PTPRD: variants seen among roughly 807,000 people sequenced by gnomAD.
PTPRD encodes the protein receptor-type tyrosine-protein phosphatase delta.
In PTPRD, 34 loss-of-function variants were observed where a neutral mutation model predicts 214.5. The ratio of observed to expected loss-of-function variants is 0.16; its 90% CI spans 0.12 to 0.21. The LOEUF (loss-of-function observed/expected upper bound fraction) is 0.21. Ranked by LOEUF, PTPRD falls within the 10% of genes least tolerant of loss-of-function variation. PTPRD has a pLI of 1.00. For synonymous variants in PTPRD, 1,128 were observed against 845.7 expected, an observed-to-expected ratio of 1.33 and a Z score of -5.79; for missense variants, 2,545 against 2,398.7, an observed-to-expected ratio of 1.06 and a Z score of -1.27.
chr9:8,989,892 T>C (rs2099359686), intron 11 of PTPRD, among the ~76,000 whole-genome samples: 1 of 152,074 alleles, frequency 6.6e-6, no homozygotes. Flanking sequence ...TAAAATGAAA[T>C]AAAATTGCCC....
chr9:9,404,604 C>T (rs2072486482), intron 8 of PTPRD, among the ~76,000 whole-genome samples: 1 of 152,080 alleles, frequency 6.6e-6, no homozygotes. Context: ...CGTCAACACA[C>T]ATTTTAGCCA....
At chr9:9,850,352 G>A (rs759811316) in intron 5 of PTPRD, among the ~76,000 whole-genome samples, 5 of 152,022 alleles carry the variant, frequency 3.3e-5, no homozygotes, top group Non-Finnish European at 7.4e-5. Flanking sequence ...ACATGTAAAT[G>A]TTTGTTCTTG....
chr9:8,512,360 A>G (rs1416789589), intron 21 of PTPRD, among the ~76,000 whole-genome samples: 1 of 152,112 alleles, frequency 6.6e-6, no homozygotes, highest in African/African-American at 2.4e-5. Context: ...GAAAAAGTTA[A>G]ATTTTATTAT....
intron 14 of PTPRD, among the ~76,000 whole-genome samples, chr9:8,616,605 T>G (rs2095619544): frequency 6.6e-6 from 1 of 152,078 alleles, no homozygotes; most frequent in Non-Finnish European, 1.5e-5. Flanking sequence ...GTGAGAAACA[T>G]TCACTATTTC....
intron 11 of PTPRD, among the ~76,000 whole-genome samples, chr9:8,857,253 T>TA (rs1020748430): frequency 1.2e-4 from 18 of 152,046 alleles, no homozygotes; most frequent in African/African-American, 4.3e-4. Flanking sequence ...TCCCTGCCTT[T>TA]AAAAAAGGCG....
chr9:9,302,542 C>A (rs1197773900), intron 9 of PTPRD, among the ~76,000 whole-genome samples: 1 of 150,864 alleles, frequency 6.6e-6, no homozygotes, highest in African/African-American at 2.4e-5. Context: ...CCCACTCTCC[C>A]ACTTTTCATT....
chr9:9,792,275 C>T (rs1253499060), intron 5 of PTPRD, among the ~76,000 whole-genome samples: 2 of 152,092 alleles, frequency 1.3e-5, no homozygotes, highest in Non-Finnish European at 2.9e-5. Flanking sequence ...TCAGGTAGCA[C>T]TGAACCACTT....
chr9:10,129,485 C>G (rs1462389298), intron 3 of PTPRD, among the ~76,000 whole-genome samples: 1 of 142,272 alleles, frequency 7.0e-6, no homozygotes, highest in Non-Finnish European at 1.5e-5. Flanking sequence ...GGATTTTATT[C>G]TCTTTTTTCT....
At chr9:10,044,382 T>C (rs1226254919) in intron 3 of PTPRD, among the ~76,000 whole-genome samples, 1 of 151,794 alleles carries the variant, frequency 6.6e-6, no homozygotes, top group East Asian at 1.9e-4. Context: ...TGATTTACTG[T>C]GCTGGCTCTA....
chr9:9,912,375 G>C lies in PTPRD; in HGVS notation c.-368+26132C>G, dbSNP rs1004695409. The stretch of plus-strand genomic sequence containing the variant: ...TCAACTCATTTATCATGAGGTAGCA[G>C]TCTCCCTTGTCAAATGCCAACTTTG... On this transcript the variant is annotated intron_variant, in intron 5 of 45. Coordinates refer to ENST00000381196, the MANE Select transcript of PTPRD (RefSeq NM_002839.4). 2.6e-5 allele frequency among the ~76,000 whole-genome samples: 4 copies of C among 152,254 alleles called. No homozygotes were observed. The South Asian group carries it at 8.3e-4, about 32-fold the overall frequency.
intron 8 of PTPRD, among the ~76,000 whole-genome samples, chr9:9,460,560 A>G (rs919554221): frequency 6.6e-6 from 1 of 152,074 alleles, no homozygotes; most frequent in Non-Finnish European, 1.5e-5. Context: ...TAAAAATGGC[A>G]GCAAACATAT....
intron 14 of PTPRD, among the ~76,000 whole-genome samples, chr9:8,543,008 C>G (rs1404851193): frequency 1.3e-5 from 2 of 152,118 alleles, no homozygotes; most frequent in African/African-American, 4.8e-5. Flanking sequence ...AGCCAATGGT[C>G]TCCTGAATAA....
chr9:9,830,212 A>G (rs1055191684), intron 5 of PTPRD, among the ~76,000 whole-genome samples: 4 of 151,856 alleles, frequency 2.6e-5, no homozygotes, highest in Non-Finnish European at 5.9e-5. Context: ...AAATATTTTT[A>G]AAAAGTTTTA....
At chr9:8,497,672 G>C (rs1182473528) in intron 25 of PTPRD, among the ~76,000 whole-genome samples, 1 of 152,094 alleles carries the variant, frequency 6.6e-6, no homozygotes, top group Non-Finnish European at 1.5e-5. Flanking sequence ...AGTCCTGTGA[G>C]ATGTAATGAA....
intron 14 of PTPRD, among the ~76,000 whole-genome samples, chr9:8,550,330 G>A (rs1289149277): frequency 1.3e-5 from 2 of 151,902 alleles, no homozygotes; most frequent in South Asian, 2.1e-4. Flanking sequence ...TGCATGTATG[G>A]CACTCAAAAG....
intron 10 of PTPRD, among the ~76,000 whole-genome samples, chr9:9,127,468 G>A (rs1362924014): frequency 2.0e-5 from 3 of 152,188 alleles, no homozygotes; most frequent in Admixed American, 2.0e-4. Context: ...GACAAGACTT[G>A]CAGATAATTT....
intron 10 of PTPRD, among the ~76,000 whole-genome samples, chr9:9,152,920 T>C (rs2099878108): frequency 6.6e-6 from 1 of 152,196 alleles, no homozygotes; most frequent in Admixed American, 6.6e-5. Context: ...CAAATGTATC[T>C]TTCTTTGGCC....
At chr9:9,445,671 G>A (rs1018476241) in intron 8 of PTPRD, among the ~76,000 whole-genome samples, 5 of 152,028 alleles carry the variant, frequency 3.3e-5, no homozygotes, top group Admixed American at 6.6e-5. Context: ...TCACTATCAC[G>A]AGAACAGCGG....
At chr9:8,929,399 G>C (rs10977366) in intron 11 of PTPRD, among the ~76,000 whole-genome samples, 1 of 151,786 alleles carries the variant, frequency 6.6e-6, no homozygotes, top group South Asian at 2.1e-4. Flanking sequence ...TTAGCATGAA[G>C]TTGTGTTGAA....
Sources: gnomAD v4.1 joint callset for allele counts (sites outside exome capture counted in the v4.1 genomes callset) on GRCh38, gnomAD v4.1.1 for gene constraint, MANE v1.5 for transcripts, NCBI Gene and HGNC (gene_info 2026-07-23, HGNC 2026-07-21) for gene names.